DIP2C: variants seen among roughly 807,000 people sequenced by gnomAD.
DIP2C encodes disco-interacting protein 2 homolog C.
A neutral mutation model predicts 192.4 loss-of-function variants in DIP2C; 33 were observed. The observed-to-expected ratio is 0.17, with a 90% CI of 0.13 to 0.23. DIP2C has a LOEUF of 0.23. DIP2C is among the 10% of genes least tolerant of loss of function. The pLI is 1.00. For synonymous variants in DIP2C, 979 were observed against 864.1 expected (o/e 1.13, Z -2.33); for missense variants, 1,537 against 2,110.1 (o/e 0.73, Z 5.32).
intron 1 of DIP2C, among the ~76,000 whole-genome samples, chr10:661,850 G>T (rs909404745): frequency 6.6e-6 from 1 of 152,186 alleles, no homozygotes; most frequent in African/African-American, 2.4e-5. Flanking sequence ...TCTGAATCAG[G>T]TCCACACTTG....
chr10:546,957 A>G (rs1238590850), intron 1 of DIP2C, among the ~76,000 whole-genome samples: 1 of 152,214 alleles, frequency 6.6e-6, no homozygotes, highest in Non-Finnish European at 1.5e-5. Flanking sequence ...TTCAGGCCAC[A>G]CCTGCAAATA....
chr10:315,898 A>G (rs1355021984), intron 31 of DIP2C, among the ~76,000 whole-genome samples: 1 of 152,162 alleles, frequency 6.6e-6, no homozygotes, highest in Non-Finnish European at 1.5e-5. Flanking sequence ...TCTATTGGTC[A>G]GACTTCAAGT....
intron 1 of DIP2C, among the ~76,000 whole-genome samples, chr10:507,497 G>A (rs889817372): frequency 6.6e-6 from 1 of 150,388 alleles, no homozygotes; most frequent in Non-Finnish European, 1.5e-5. Context: ...CACTATCAGA[G>A]GTGTGTGAGG....
chr10:533,219 GAGAA>G (rs1022269663), intron 1 of DIP2C, among the ~76,000 whole-genome samples: 7 of 152,266 alleles, frequency 4.6e-5, no homozygotes, highest in African/African-American at 1.4e-4. Context: ...GGTATGAGGA[GAGAA>G]AGAAAGAAGG....
chr10:640,411 G>A (rs1411223221), intron 1 of DIP2C, among the ~76,000 whole-genome samples: 1 of 152,208 alleles, frequency 6.6e-6, no homozygotes, highest in Non-Finnish European at 1.5e-5. Flanking sequence ...CCGAAGGGTG[G>A]GTCGCCAGAG....
chr10:606,310 G>A (rs1401186141), intron 1 of DIP2C, among the ~76,000 whole-genome samples: 1 of 152,216 alleles, frequency 6.6e-6, no homozygotes. Context: ...CAGCCACACA[G>A]CTCAGGGCAC....
chr10:282,771 G>A (rs535409592), intron 35 of DIP2C, among the ~76,000 whole-genome samples: 1 of 152,378 alleles, frequency 6.6e-6, no homozygotes, highest in Admixed American at 6.5e-5. Context: ...ACTCTCTGAT[G>A]AATGCATGGG....
At chr10:512,034 T>G (rs1477303886) in intron 1 of DIP2C, among the ~76,000 whole-genome samples, 1 of 152,128 alleles carries the variant, frequency 6.6e-6, no homozygotes, top group Non-Finnish European at 1.5e-5. Context: ...ACCGCACACG[T>G]TAGGGTCGCC....
intron 1 of DIP2C, among the ~76,000 whole-genome samples, chr10:492,612 A>ACACACACG (rs1344342045): frequency 6.6e-6 from 1 of 152,246 alleles, no homozygotes; most frequent in Non-Finnish European, 1.5e-5. Flanking sequence ...CTCAAACAAC[A>ACACACACG]CACACACGCA....
intron 1 of DIP2C, chr10:667,225 G>C (rs1475336530): frequency 6.6e-6 from 1 of 152,316 alleles, no homozygotes; most frequent in African/African-American, 2.4e-5. Flanking sequence ...GTGGTGGCAG[G>C]CACCTGTAAT....
At chr10:634,096 G>A (rs1389042297) in intron 1 of DIP2C, among the ~76,000 whole-genome samples, 1 of 152,168 alleles carries the variant, frequency 6.6e-6, no homozygotes, top group Non-Finnish European at 1.5e-5. Context: ...CTTGCCTAGT[G>A]ATCCCGCATT....
At chr10:303,690 A>G (rs1956166982) in intron 32 of DIP2C, among the ~76,000 whole-genome samples, 2 of 151,742 alleles carry the variant, frequency 1.3e-5, no homozygotes, top group Admixed American at 6.6e-5. Context: ...CGCCCGGCTG[A>G]TTTTGTATTT....
intron 32 of DIP2C, among the ~76,000 whole-genome samples, chr10:303,182 G>A (rs926260875): frequency 1.3e-4 from 20 of 152,106 alleles, no homozygotes; most frequent in Non-Finnish European, 2.5e-4. Flanking sequence ...CACTGTACTC[G>A]TAAGCTAAGA....
intron 3 of DIP2C, among the ~76,000 whole-genome samples, chr10:456,526 T>A (rs1969312496): frequency 1.3e-5 from 2 of 152,204 alleles, no homozygotes; most frequent in Non-Finnish European, 2.9e-5. Context: ...CTCCTGGTGA[T>A]TAAAACACTC....
intron 1 of DIP2C, among the ~76,000 whole-genome samples, chr10:587,421 G>A (rs1275556654): frequency 6.6e-6 from 1 of 152,208 alleles, no homozygotes. Flanking sequence ...GGATTGCTGG[G>A]CACGTGGGAG....
intron 33 of DIP2C, among the ~76,000 whole-genome samples, chr10:287,516 T>C (rs768222365): frequency 1.2e-4 from 19 of 152,100 alleles, no homozygotes; most frequent in Non-Finnish European, 2.6e-4. Context: ...GCCAGACTGT[T>C]AGGATGGATG....
At chr10:430,024 C>T (rs187701819) in intron 4 of DIP2C, among the ~76,000 whole-genome samples, 10 of 152,140 alleles carry the variant, frequency 6.6e-5, no homozygotes, top group Non-Finnish European at 1.3e-4. Flanking sequence ...AGAGAATTCC[C>T]GCAGCTCCAC....
chr10:469,561 C>G (rs1404037781), intron 3 of DIP2C, among the ~76,000 whole-genome samples: 2 of 152,096 alleles, frequency 1.3e-5, no homozygotes, highest in African/African-American at 4.8e-5. Context: ...AAGTGATCTG[C>G]CCGCCTCGGC....
chr10:549,546 T>A (rs1848481323), intron 1 of DIP2C, among the ~76,000 whole-genome samples: 1 of 152,100 alleles, frequency 6.6e-6, no homozygotes, highest in Non-Finnish European at 1.5e-5. Context: ...CAGTGACTCC[T>A]GGGAAACAGC....
Sources: allele counts gnomAD v4.1 joint callset (sites outside exome capture counted in the v4.1 genomes callset), GRCh38; gene constraint gnomAD v4.1.1; transcripts MANE v1.5; gene names NCBI Gene and HGNC (gene_info 2026-07-23, HGNC 2026-07-21).